WWP1: variants seen among roughly 807,000 people sequenced by gnomAD.
WWP1 encodes NEDD4-like E3 ubiquitin-protein ligase WWP1.
In WWP1, 49 loss-of-function variants were observed where a neutral mutation model predicts 130.6. That is an observed-to-expected ratio of 0.38 (90% CI 0.30 to 0.48). The LOEUF is 0.48. WWP1 is among the 20% of genes least tolerant of loss of function. The pLI, the probability that WWP1 is intolerant of heterozygous loss-of-function variation, is 0.99. For synonymous variants in WWP1, 332 were observed against 367.8 expected (o/e 0.90, Z 1.11); for missense variants, 809 against 1,100.6 (o/e 0.74, Z 3.75).
intron 7 of WWP1, among the ~76,000 whole-genome samples, chr8:86,400,877 G>A (rs934008441): frequency 9.9e-5 from 15 of 152,116 alleles, no homozygotes; most frequent in Non-Finnish European, 1.9e-4. Flanking sequence ...GGAGAGTGAC[G>A]TGATGACCTG....
Position 86,408,583 on chromosome 8 carries a change from A to G in WWP1, c.725-2955A>G, listed in dbSNP as rs192385859. The stretch of plus-strand genomic sequence containing the variant: ...GAATCTTCCCATTGAGAGATATTTT[A>G]TGTCTGTATTCATTCTTTTTAGTAA... On this transcript the variant is annotated intron_variant, in intron 8 of 24. Coordinates refer to ENST00000517970, the MANE Select transcript of WWP1 (RefSeq NM_007013.4). Among the ~76,000 whole-genome samples, 9 of 152,246 alleles carry G rather than the reference A, an allele frequency of 5.9e-5. No individual in the cohort carries two copies. In the East Asian group the frequency reaches 1.7e-3, roughly 29 times the overall value.
chr8:86,433,626 ACT>A (rs1201303751), intron 14 of WWP1, among the ~76,000 whole-genome samples: 2 of 151,484 alleles, frequency 1.3e-5, no homozygotes, highest in African/African-American at 4.9e-5. Flanking sequence ...TGATAACTCC[ACT>A]CTAGCAGGTG....
At chr8:86,354,586 T>A (rs1823147728) in intron 1 of WWP1, among the ~76,000 whole-genome samples, 1 of 152,206 alleles carries the variant, frequency 6.6e-6, no homozygotes, top group African/African-American at 2.4e-5. Flanking sequence ...AGGAAGAGTA[T>A]TTGTAAATAG....
intron 7 of WWP1, 116 bp from the exon 8 acceptor site, chr8:86,401,903 T>A: frequency 2.7e-6 from 3 of 1,095,220 alleles, no homozygotes; most frequent in Non-Finnish European, 3.6e-6. Flanking sequence ...TAAAAAATTT[T>A]AAAAAAGAAA....
chr8:86,375,508 G>A (rs1291752870), intron 3 of WWP1, among the ~76,000 whole-genome samples: 2 of 152,120 alleles, frequency 1.3e-5, no homozygotes, highest in Non-Finnish European at 2.9e-5. Context: ...TGCAGTATAC[G>A]TATCTCATCT....
chr8:86,371,040 ATTTT>A (rs34031275), intron 2 of WWP1, among the ~76,000 whole-genome samples: 3 of 96,926 alleles, frequency 3.1e-5, no homozygotes, highest in Admixed American at 1.0e-4. Flanking sequence ...TAATTTTTGT[ATTTT>A]TTTTTTTTTT....
Position 86,343,035 on chromosome 8 carries a change from C to T in WWP1, c.-115+105C>T, listed in dbSNP as rs1822312753. ...TGCTGGGCGCCCGGCGCCGTCCGCCCCCGGGCTGGACCCTCCTAGGACCCG... is the reference window on the plus strand; with the variant it reads ...TGCTGGGCGCCCGGCGCCGTCCGCCTCCGGGCTGGACCCTCCTAGGACCCG... On this transcript the variant is annotated intron_variant, in intron 1 of 24. Coordinates refer to ENST00000517970, the MANE Select transcript of WWP1 (RefSeq NM_007013.4). 3 of 299,974 alleles carry T rather than the reference C, an allele frequency of 1.0e-5. No homozygotes were observed. In the East Asian group the frequency reaches 1.6e-4, roughly 16 times the overall value. The allele number at this position is 299,974 out of a possible 1,614,324, so 18.6% of individuals were successfully genotyped here. A position where few individuals can be genotyped will look rare whatever the true frequency, so the allele number is the denominator to read the frequency against.
intron 14 of WWP1, among the ~76,000 whole-genome samples, chr8:86,435,007 G>T (rs1460488634): frequency 6.6e-6 from 1 of 152,156 alleles, no homozygotes; most frequent in Non-Finnish European, 1.5e-5. Flanking sequence ...GTGTGATCTG[G>T]ATGACAATGT....
chr8:86,420,541 C>CTG (rs1393018786), intron 9 of WWP1, among the ~76,000 whole-genome samples: 2 of 151,570 alleles, frequency 1.3e-5, no homozygotes, highest in Non-Finnish European at 2.9e-5. Context: ...GGAAAGAGAC[C>CTG]TGCAGCTTCA....
chr8:86,370,659 A>G (rs1824232845), intron 2 of WWP1, among the ~76,000 whole-genome samples: 1 of 152,118 alleles, frequency 6.6e-6, no homozygotes, highest in Admixed American at 6.5e-5. Context: ...CATGATAACC[A>G]TCAAAATAAT....
At chr8:86,436,934 A>T (rs1196615263) in intron 16 of WWP1, among the ~76,000 whole-genome samples, 1 of 150,154 alleles carries the variant, frequency 6.7e-6, no homozygotes, top group African/African-American at 2.4e-5. Context: ...CATGATACTT[A>T]AACTATTATC....
chr8:86,438,434 G>A, intron 16 of WWP1, 151 bp from the exon 17 acceptor site: 1 of 569,326 alleles, frequency 1.8e-6, no homozygotes, highest in South Asian at 3.1e-5. Context: ...CATCTAGTTT[G>A]TGAAAGAAAC....
chr8:86,431,535 G>A lies in WWP1; in HGVS notation c.1472+45G>A, dbSNP rs759223873. 6.2e-7 allele frequency: 1 copy of A among 1,611,476 alleles called. No individual in the cohort carries two copies. The highest frequency in any genetic ancestry group is 8.5e-7 in the Non-Finnish European group (1 of 1,178,548). ...TTAAGTCGTCTTGCATATATCAGTA[G>A]GTAGAACCAACCAACCTTGAATGAG... On this transcript the variant is annotated intron_variant, in intron 13 of 24. Coordinates refer to ENST00000517970, the MANE Select transcript of WWP1 (RefSeq NM_007013.4).
intron 1 of WWP1, among the ~76,000 whole-genome samples, chr8:86,347,928 A>G (rs1822682117): frequency 6.6e-6 from 1 of 152,130 alleles, no homozygotes; most frequent in Non-Finnish European, 1.5e-5. Flanking sequence ...CTCAACAGAA[A>G]CATTCACTGG....
chr8:86,458,471 T>C (rs1278346279), intron 22 of WWP1, among the ~76,000 whole-genome samples: 4 of 152,124 alleles, frequency 2.6e-5, no homozygotes, highest in Non-Finnish European at 1.5e-5. Flanking sequence ...TATTTATGTA[T>C]TTTTTTAGCG....
intron 18 of WWP1, among the ~76,000 whole-genome samples, chr8:86,445,976 CTTTTTTTTTTTTTT>C (rs56731329): frequency 1.2e-5 from 1 of 84,984 alleles, no homozygotes; most frequent in Non-Finnish European, 2.3e-5. Context: ...CTTTTCTTTT[CTTTTTTTTTTTTTT>C]TTTTTTTTGA....
At chr8:86,445,976 C>CTTTTCTTTTCTTTTTTT (rs1216312552) in intron 18 of WWP1, among the ~76,000 whole-genome samples, 2 of 84,978 alleles carry the variant, frequency 2.4e-5, no homozygotes, top group African/African-American at 8.6e-5. Context: ...CTTTTCTTTT[C>CTTTTCTTTTCTTTTTTT]TTTTTTTTTT....
At chr8:86,447,298 G>A (rs949318173) in intron 18 of WWP1, among the ~76,000 whole-genome samples, 1 of 152,080 alleles carries the variant, frequency 6.6e-6, no homozygotes, top group Non-Finnish European at 1.5e-5. Flanking sequence ...ACAAAGTCTC[G>A]CTCTGTCACC....
chr8:86,404,999 C>T (rs1456153063), intron 8 of WWP1: 1 of 152,224 alleles, frequency 6.6e-6, no homozygotes, highest in Non-Finnish European at 1.5e-5. Context: ...ACAAAACAAT[C>T]TAACTGTCAT....
Sources: allele counts gnomAD v4.1 joint callset (sites outside exome capture counted in the v4.1 genomes callset), GRCh38; gene constraint gnomAD v4.1.1; transcripts MANE v1.5; gene names NCBI Gene and HGNC (gene_info 2026-07-23, HGNC 2026-07-21).